The following LINGO2 variants were observed in gnomAD, a reference collection of about 807,000 sequenced individuals.
LINGO2 encodes leucine-rich repeat and immunoglobulin-like domain-containing nogo receptor-interacting protein 2.
A neutral mutation model predicts 30.6 loss-of-function variants in LINGO2; 14 were observed. That is an observed-to-expected ratio of 0.46 (90% CI 0.30 to 0.72). The LOEUF is 0.72. Ranked by LOEUF, LINGO2 falls within the 30% of genes least tolerant of loss-of-function variation. The pLI is 0.07. For missense variants in LINGO2, 729 were observed against 751.7 expected (o/e 0.97, Z 0.35); for synonymous variants, 317 against 288.5 (o/e 1.10, Z -1.00).
chr9:28,551,822 T>C (rs534249634), intron 1 of LINGO2, among the ~76,000 whole-genome samples: 19 of 152,230 alleles, frequency 1.2e-4, no homozygotes, highest in African/African-American at 4.3e-4. Flanking sequence ...CCTTGCTCTC[T>C]GACACACGTG....
the LINGO2 span, among the ~76,000 whole-genome samples, chr9:28,795,857 C>T: frequency 6.6e-6 from 1 of 151,866 alleles, no homozygotes; most frequent in African/African-American, 2.4e-5. Flanking sequence ...CATGCTTATT[C>T]AGTGGTCTCA....
Position 28,348,560 on chromosome 9 carries a change from C to T in LINGO2, c.-246+24276G>A, listed in dbSNP as rs547348066. ...CTGAGATCAAACTGCAAGGCGGCAG[C>T]GAGGCTGGGGGAGGGGCGCCCACCA... On this transcript the variant is annotated intron_variant, in intron 3 of 5. Transcript: ENST00000379992. 8.7e-3 allele frequency among the ~76,000 whole-genome samples: 1,321 copies of T among 152,192 alleles called. 23 individuals carry two copies. Among genetic ancestry groups the T allele is most frequent in the African/African-American group, 0.03 (1,251 of 41,532 alleles).
At chr9:28,618,611 C>T (rs1251480176) in intron 1 of LINGO2, among the ~76,000 whole-genome samples, 1 of 152,114 alleles carries the variant, frequency 6.6e-6, no homozygotes, top group Admixed American at 6.5e-5. Context: ...TCTTGCCCTA[C>T]TTATATATTC....
intron 4 of LINGO2, among the ~76,000 whole-genome samples, chr9:28,226,682 A>G (rs1261995417): frequency 2.0e-5 from 2 of 97,620 alleles, no homozygotes; most frequent in East Asian, 2.6e-4. Flanking sequence ...AAAGAAAGAA[A>G]GAAAGAAAGA....
intron 1 of LINGO2, among the ~76,000 whole-genome samples, chr9:28,601,293 A>C (rs1383562005): frequency 2.0e-5 from 3 of 152,186 alleles, no homozygotes; most frequent in Non-Finnish European, 4.4e-5. Context: ...TGTGTACTAC[A>C]TTATCAAACT....
the LINGO2 span, among the ~76,000 whole-genome samples, chr9:29,064,818 CTA>C: frequency 1.3e-5 from 2 of 151,800 alleles, no homozygotes; most frequent in Non-Finnish European, 2.9e-5. Flanking sequence ...ACTTATAAAT[CTA>C]TGTTCTCCTA....
the LINGO2 span, among the ~76,000 whole-genome samples, chr9:28,917,040 C>T: frequency 6.6e-6 from 1 of 152,178 alleles, no homozygotes; most frequent in Admixed American, 6.5e-5. Context: ...CTGCATTAAT[C>T]TCCATGTCTT....
intron 3 of LINGO2, among the ~76,000 whole-genome samples, chr9:28,350,889 C>T (rs1297068101): frequency 1.3e-5 from 2 of 151,988 alleles, no homozygotes. Context: ...CAACCTGCTC[C>T]TGAATGACTA....
intron 3 of LINGO2, among the ~76,000 whole-genome samples, chr9:28,318,268 C>T (rs1302346865): frequency 1.3e-5 from 2 of 152,138 alleles, no homozygotes; most frequent in Non-Finnish European, 2.9e-5. Context: ...GACAACTCCT[C>T]ATTGTAAATT....
chr9:29,094,266 A>G, the LINGO2 span, among the ~76,000 whole-genome samples: 2 of 138,962 alleles, frequency 1.4e-5, 1 homozygote, highest in Non-Finnish European at 3.1e-5. Context: ...AGGTGATTTA[A>G]CCCTCTTTAT....
At chr9:28,867,544 A>C in the LINGO2 span, among the ~76,000 whole-genome samples, 3 of 152,050 alleles carry the variant, frequency 2.0e-5, no homozygotes, top group Non-Finnish European at 4.4e-5. Context: ...CATTTGCCAT[A>C]AATTACAGAG....
intron 3 of LINGO2, among the ~76,000 whole-genome samples, chr9:28,371,627 C>A (rs13290669): frequency 0.39 from 59,964 of 152,034 alleles, 13,010 homozygotes; most frequent in Non-Finnish European, 0.47. Context: ...GGCCATAGTA[C>A]CTTGTCACTG....
the LINGO2 span, among the ~76,000 whole-genome samples, chr9:29,140,814 A>G: frequency 1.3e-5 from 2 of 152,044 alleles, no homozygotes; most frequent in Admixed American, 1.3e-4. Flanking sequence ...GAGGCTCCAT[A>G]ATAATTTTAG....
chr9:28,382,833 C>G (rs1308802562), intron 2 of LINGO2, among the ~76,000 whole-genome samples: 1 of 151,964 alleles, frequency 6.6e-6, no homozygotes, highest in Non-Finnish European at 1.5e-5. Context: ...GTTTACCTCC[C>G]TGGATTATTG....
chr9:29,048,775 A>C, the LINGO2 span, among the ~76,000 whole-genome samples: 3 of 152,226 alleles, frequency 2.0e-5, no homozygotes, highest in Non-Finnish European at 4.4e-5. Context: ...CAGAAAAATA[A>C]AACTAGACCC....
intron 4 of LINGO2, among the ~76,000 whole-genome samples, chr9:28,212,582 A>C (rs79504096): frequency 6.6e-6 from 1 of 151,466 alleles, no homozygotes; most frequent in East Asian, 1.9e-4. Flanking sequence ...ATACATACAC[A>C]TGCATATACT....
intron 4 of LINGO2, among the ~76,000 whole-genome samples, chr9:28,097,376 A>G (rs1292212114): frequency 6.7e-6 from 1 of 150,372 alleles, no homozygotes; most frequent in Non-Finnish European, 1.5e-5. Flanking sequence ...CTATAAAGAC[A>G]CATGCACACG....
At chr9:27,946,310 T>C (rs553841257), downstream of LINGO2, among the ~76,000 whole-genome samples, 8 of 152,282 alleles carry the variant, frequency 5.3e-5, no homozygotes, top group Non-Finnish European at 1.2e-4. Flanking sequence ...GGAAGAATGC[T>C]TAGAAATATC....
chr9:28,837,655 TATATAC>T, the LINGO2 span, among the ~76,000 whole-genome samples: 2,548 of 102,728 alleles, frequency 0.025, 396 homozygotes, highest in African/African-American at 0.1. Flanking sequence ...CTAAAATATA[TATATAC>T]ATATATATAT....
Sources: gnomAD v4.1 joint callset for allele counts (sites outside exome capture counted in the v4.1 genomes callset) on GRCh38, gnomAD v4.1.1 for gene constraint, MANE v1.5 for transcripts, NCBI Gene and HGNC (gene_info 2026-07-23, HGNC 2026-07-21) for gene names.